Variants in PDZRN4 observed in about 807,000 individuals in gnomAD.
PDZRN4 encodes PDZ domain-containing RING finger protein 4.
Under a neutral mutation model 99.0 loss-of-function variants are expected in PDZRN4, and 70 were observed. The observed-to-expected ratio is 0.71, with a 90% CI of 0.58 to 0.86. The LOEUF (loss-of-function observed/expected upper bound fraction) is 0.86, where lower values mean the gene tolerates loss of function less well. Among genes scored for constraint, PDZRN4 ranks in the 40% least tolerant of loss-of-function variants. The probability of loss-of-function intolerance (pLI) is 0.00; values close to 1 mark genes in which losing one functional copy is unlikely to be tolerated. For missense variants in PDZRN4, 1,474 were observed against 1,331.2 expected (o/e 1.11, Z -1.67); for synonymous variants, 551 against 501.6 (o/e 1.10, Z -1.32).
chr12:41,550,391 C>T (rs776128460), intron 5 of PDZRN4, among the ~76,000 whole-genome samples: 20 of 152,114 alleles, frequency 1.3e-4, no homozygotes, highest in Admixed American at 3.3e-4. Context: ...AGAGATACTC[C>T]TCAACTACAT....
intron 5 of PDZRN4, among the ~76,000 whole-genome samples, chr12:41,512,819 T>G (rs1286759220): frequency 6.6e-6 from 1 of 152,058 alleles, no homozygotes; most frequent in Non-Finnish European, 1.5e-5. Flanking sequence ...GGGCTGTGCC[T>G]CAGAGCTTCA....
intron 3 of PDZRN4, among the ~76,000 whole-genome samples, chr12:41,397,233 GGAATTACTTCATT>G (rs1274973404): frequency 6.6e-6 from 1 of 152,064 alleles, no homozygotes; most frequent in Non-Finnish European, 1.5e-5. Context: ...ATAAAATACT[GGAATTACTTCATT>G]GACCTCTCTC....
Position 41,573,423 on chromosome 12 carries a change from T to G in PDZRN4, c.2644T>G (p.Cys882Gly). 6.2e-7 allele frequency: 1 copy of G among 1,613,572 alleles called. No homozygotes were observed. Among genetic ancestry groups the G allele is most frequent in the South Asian group, 1.1e-5 (1 of 91,076 alleles). ...GAGCATGTGCAAGGAGTCTCAGAAG[T>G]GTTCAGAGCCCAAGATGGAATGGAA... ...LVSMCKESQK[C>G]SEPKMEWKVK... Residue 882 changes from cysteine (C) to glycine (G), a missense_variant, in exon 10 of 10, where the codon TGT becomes GGT. Transcript: ENST00000402685.
intron 3 of PDZRN4, among the ~76,000 whole-genome samples, chr12:41,468,726 A>G (rs1465452512): frequency 6.6e-6 from 1 of 152,238 alleles, no homozygotes; most frequent in Non-Finnish European, 1.5e-5. Flanking sequence ...TAACCTTCGC[A>G]TACATTCATA....
intron 3 of PDZRN4, among the ~76,000 whole-genome samples, chr12:41,342,345 C>T (rs997610462): frequency 5.3e-5 from 8 of 151,706 alleles, no homozygotes; most frequent in African/African-American, 1.2e-4. Flanking sequence ...CAAAAATAGG[C>T]GTATGGGATT....
At position 41,421,018 on chromosome 12, in the gene PDZRN4, G is replaced by A. The variant is rs184064991; in HGVS notation, c.844-85438G>A. ...AACCCAGACACTCAGTCTTGCAAAT[G>A]CACTCACCATTGATTTCCTCCTATC... On this transcript the variant is annotated intron_variant, in intron 3 of 9. Coordinates refer to ENST00000402685, the MANE Select transcript of PDZRN4 (RefSeq NM_001164595.2). 1.2e-3 allele frequency among the ~76,000 whole-genome samples: 177 copies of A among 152,126 alleles called. 1 individual carries two copies. Among genetic ancestry groups the A allele is most frequent in the South Asian group, 6.8e-3 (33 of 4,818 alleles).
intron 3 of PDZRN4, among the ~76,000 whole-genome samples, chr12:41,323,098 A>C (rs1951690668): frequency 6.6e-6 from 1 of 152,126 alleles, no homozygotes; most frequent in Non-Finnish European, 1.5e-5. Flanking sequence ...ACTTTTCTTT[A>C]GGACTTTCTG....
chr12:41,411,087 G>T (rs1592049364), intron 3 of PDZRN4, among the ~76,000 whole-genome samples: 2 of 148,844 alleles, frequency 1.3e-5, no homozygotes, highest in East Asian at 3.9e-4. Context: ...TATTTGTAAA[G>T]ATAGTGTCCC....
intron 3 of PDZRN4, among the ~76,000 whole-genome samples, chr12:41,478,107 T>G (rs1002723948): frequency 6.6e-6 from 1 of 152,060 alleles, no homozygotes; most frequent in Non-Finnish European, 1.5e-5. Flanking sequence ...AATAATACAT[T>G]AAATTTTTTT....
chr12:41,376,943 T>A (rs1304702294), intron 3 of PDZRN4, among the ~76,000 whole-genome samples: 2 of 152,218 alleles, frequency 1.3e-5, no homozygotes, highest in African/African-American at 4.8e-5. Context: ...TTCTTCTGCA[T>A]GTGCATATTC....
intron 3 of PDZRN4, among the ~76,000 whole-genome samples, chr12:41,213,551 C>T (rs1473512044): frequency 1.3e-5 from 2 of 152,026 alleles, no homozygotes; most frequent in Non-Finnish European, 2.9e-5. Flanking sequence ...CAGTAAAGCC[C>T]TTTCCTCATC....
intron 5 of PDZRN4, among the ~76,000 whole-genome samples, chr12:41,527,429 T>TA (rs1439462848): frequency 6.6e-6 from 1 of 152,146 alleles, no homozygotes; most frequent in Non-Finnish European, 1.5e-5. Flanking sequence ...GCATTCCAGA[T>TA]AGACCCATTT....
intron 5 of PDZRN4, among the ~76,000 whole-genome samples, chr12:41,528,347 G>T (rs139413673): frequency 6.6e-6 from 1 of 152,002 alleles, no homozygotes; most frequent in African/African-American, 2.4e-5. Context: ...GACCCTCCAG[G>T]GCTTATGTGA....
chr12:41,491,558 A>T (rs1937886946), intron 3 of PDZRN4, among the ~76,000 whole-genome samples: 1 of 151,998 alleles, frequency 6.6e-6, no homozygotes. Flanking sequence ...AACAAAAACC[A>T]TGAATACTGG....
At chr12:41,260,771 T>C (rs894626974) in intron 3 of PDZRN4, among the ~76,000 whole-genome samples, 13 of 152,280 alleles carry the variant, frequency 8.5e-5, no homozygotes, top group African/African-American at 3.1e-4. Context: ...TTGTGTACAA[T>C]TGAAGTCATA....
chr12:41,383,134 G>A (rs997420904), intron 3 of PDZRN4, among the ~76,000 whole-genome samples: 3 of 152,204 alleles, frequency 2.0e-5, no homozygotes, highest in Non-Finnish European at 2.9e-5. Flanking sequence ...TCAGTTGTGT[G>A]AGGCCAGTGA....
At chr12:41,212,179 A>G (rs1190034469) in intron 3 of PDZRN4, among the ~76,000 whole-genome samples, 1 of 152,042 alleles carries the variant, frequency 6.6e-6, no homozygotes, top group Non-Finnish European at 1.5e-5. Flanking sequence ...TTAAAGGGAT[A>G]TAAACCTTCA....
At chr12:41,490,918 T>C (rs2120628309) in intron 3 of PDZRN4, among the ~76,000 whole-genome samples, 1 of 152,266 alleles carries the variant, frequency 6.6e-6, no homozygotes, top group Admixed American at 6.5e-5. Flanking sequence ...CTCAGATTCA[T>C]ATCTGAGTCA....
chr12:41,353,463 A>G (rs1951905390), intron 3 of PDZRN4, among the ~76,000 whole-genome samples: 1 of 152,082 alleles, frequency 6.6e-6, no homozygotes, highest in Non-Finnish European at 1.5e-5. Flanking sequence ...ATAACGAAAG[A>G]TAGGGCACAG....
Sources: gnomAD v4.1 joint callset for allele counts (sites outside exome capture counted in the v4.1 genomes callset) on GRCh38, gnomAD v4.1.1 for gene constraint, MANE v1.5 for transcripts, NCBI Gene and HGNC (gene_info 2026-07-23, HGNC 2026-07-21) for gene names.